TOP6BL: variants seen among roughly 807,000 people sequenced by gnomAD.
The protein encoded by TOP6BL is type 2 DNA topoisomerase 6 subunit B-like.
At chr11:66,809,734 C>T in the TOP6BL span, among the ~76,000 whole-genome samples, 1 of 152,108 alleles carries the variant, frequency 6.6e-6, no homozygotes, top group Non-Finnish European at 1.5e-5. Context: ...AAAGGGATCT[C>T]ACTCTGTTGC....
the TOP6BL span, among the ~76,000 whole-genome samples, chr11:66,784,956 CTTTTTTT>C: frequency 1.1e-5 from 1 of 95,124 alleles, no homozygotes; most frequent in African/African-American, 4.5e-5. Context: ...TCTAAGATTT[CTTTTTTT>C]TTTTTTTTTT....
the TOP6BL span, among the ~76,000 whole-genome samples, chr11:66,778,123 A>G: frequency 2.7e-5 from 4 of 150,660 alleles, no homozygotes; most frequent in Non-Finnish European, 4.4e-5. Flanking sequence ...GACAGTCTCA[A>G]ACTCCTGGGC....
the TOP6BL span, among the ~76,000 whole-genome samples, chr11:66,779,613 G>A: frequency 3.3e-5 from 5 of 152,128 alleles, no homozygotes; most frequent in African/African-American, 1.2e-4. Context: ...GTGATTCCTC[G>A]GAGATCTAGA....
At chr11:66,782,253 G>T in the TOP6BL span, among the ~76,000 whole-genome samples, 2 of 152,226 alleles carry the variant, frequency 1.3e-5, no homozygotes, top group South Asian at 2.1e-4. Context: ...TTTTAACAAG[G>T]TCTCCCCATT....
chr11:66,824,689 A>ATG, the TOP6BL span, among the ~76,000 whole-genome samples: 1 of 142,838 alleles, frequency 7.0e-6, no homozygotes, highest in Admixed American at 7.7e-5. Flanking sequence ...GAGTGAGAAC[A>ATG]TGTGGTGTTT....
chr11:66,748,391 T>C, the TOP6BL span: 2 of 1,535,462 alleles, frequency 1.3e-6, no homozygotes, highest in Non-Finnish European at 1.8e-6. Flanking sequence ...TTTGAGATTT[T>C]TAATAATTCA....
chr11:66,762,195 C>T, the TOP6BL span: 3 of 696,304 alleles, frequency 4.3e-6, no homozygotes, highest in African/African-American at 5.3e-5. Flanking sequence ...TCGCACGCCA[C>T]ACCCACAGCC....
At chr11:66,821,650 T>C in the TOP6BL span, 5 of 1,606,782 alleles carry the variant, frequency 3.1e-6, no homozygotes, top group South Asian at 4.5e-5. Flanking sequence ...TAGGAGTCTA[T>C]ACTTTGCTCA....
chr11:66,820,218 C>T, the TOP6BL span, among the ~76,000 whole-genome samples: 1 of 152,310 alleles, frequency 6.6e-6, no homozygotes, highest in East Asian at 1.9e-4. Flanking sequence ...CTCCCTGACT[C>T]CAGCTCCAGA....
the TOP6BL span, chr11:66,843,491 G>T: frequency 5.4e-6 from 8 of 1,480,334 alleles, no homozygotes; most frequent in Admixed American, 7.5e-5. Context: ...TGCGACTGCT[G>T]TCGGTGTCGC....
chr11:66,843,182 T>G, the TOP6BL span: 33 of 1,611,040 alleles, frequency 2.0e-5, no homozygotes, highest in African/African-American at 4.4e-4. Flanking sequence ...GTGCTGTGGC[T>G]GCAGGAGGTC....
the TOP6BL span, among the ~76,000 whole-genome samples, chr11:66,780,958 C>T: frequency 6.6e-6 from 1 of 152,032 alleles, no homozygotes; most frequent in African/African-American, 2.4e-5. Context: ...TGTGCTTTTC[C>T]TCTGGCTTCT....
At chr11:66,822,531 T>G in the TOP6BL span, 1 of 1,354,096 alleles carries the variant, frequency 7.4e-7, no homozygotes, top group Non-Finnish European at 1.0e-6. Flanking sequence ...TTGGGATTCA[T>G]GCAGTCTCCC....
chr11:66,778,483 T>G, the TOP6BL span, among the ~76,000 whole-genome samples: 48 of 151,862 alleles, frequency 3.2e-4, no homozygotes, highest in Admixed American at 3.2e-3. Flanking sequence ...AATATAAAAT[T>G]TATATGGAAA....
the TOP6BL span, among the ~76,000 whole-genome samples, chr11:66,811,295 A>C: frequency 3.3e-5 from 5 of 151,998 alleles, no homozygotes; most frequent in East Asian, 1.9e-4. Context: ...AATGATTTCT[A>C]TCTCTGCCAT....
chr11:66,828,347 T>C, the TOP6BL span: 1 of 1,612,788 alleles, frequency 6.2e-7, no homozygotes. Context: ...TCACCACTGC[T>C]CATGTGAGGT....
chr11:66,797,465 C>T, the TOP6BL span, among the ~76,000 whole-genome samples: 1 of 152,150 alleles, frequency 6.6e-6, no homozygotes, highest in East Asian at 1.9e-4. Flanking sequence ...ATAAACCTTG[C>T]TGTTTATCTC....
At chr11:66,821,664 C>G in the TOP6BL span, 1 of 1,609,978 alleles carries the variant, frequency 6.2e-7, no homozygotes, top group Non-Finnish European at 8.5e-7. Context: ...TTGCTCACAA[C>G]TCATCTCAAT....
the TOP6BL span, among the ~76,000 whole-genome samples, chr11:66,837,250 C>A: frequency 7.9e-5 from 12 of 151,994 alleles, no homozygotes; most frequent in East Asian, 2.1e-3. Flanking sequence ...CCTCAGCCTA[C>A]CGCATAGCTG....
Sources: gnomAD v4.1 joint callset for allele counts (sites outside exome capture counted in the v4.1 genomes callset) on GRCh38, gnomAD v4.1.1 for gene constraint, MANE v1.5 for transcripts, NCBI Gene and HGNC (gene_info 2026-07-23, HGNC 2026-07-21) for gene names.